The following MMP16 variants were observed in gnomAD, a reference collection of about 807,000 sequenced individuals.
The protein encoded by MMP16 is matrix metallopeptidase 16, also known as matrix metalloproteinase-16.
In MMP16, 12 loss-of-function variants were observed where a neutral mutation model predicts 67.8. The observed-to-expected ratio is 0.18, with a 90% confidence interval of 0.11 to 0.29. The LOEUF (loss-of-function observed/expected upper bound fraction) is 0.29. MMP16 is among the 10% of genes least tolerant of loss of function. The pLI is 1.00. For missense variants in MMP16, 475 were observed against 765.7 expected, an observed-to-expected ratio of 0.62 and a Z score of 4.48; for synonymous variants, 249 against 255.9, an observed-to-expected ratio of 0.97 and a Z score of 0.26.
chr8:88,086,028 C>T (rs1808828197), intron 6 of MMP16, among the ~76,000 whole-genome samples: 1 of 151,736 alleles, frequency 6.6e-6, no homozygotes. Flanking sequence ...TATCCAATTT[C>T]TATACATAAA....
chr8:88,275,913 C>T (rs1273866986), intron 1 of MMP16, among the ~76,000 whole-genome samples: 1 of 151,988 alleles, frequency 6.6e-6, no homozygotes, highest in Non-Finnish European at 1.5e-5. Flanking sequence ...ATCTGACATA[C>T]TCATGCCTGA....
At chr8:88,276,432 G>C (rs948311641) in intron 1 of MMP16, among the ~76,000 whole-genome samples, 1 of 152,092 alleles carries the variant, frequency 6.6e-6, no homozygotes, top group African/African-American at 2.4e-5. Context: ...AATAAGATAT[G>C]AAAGTAATTC....
chr8:88,207,705 A>AAAAAG (rs1554585488), intron 1 of MMP16, among the ~76,000 whole-genome samples: 6 of 151,810 alleles, frequency 4.0e-5, no homozygotes, highest in East Asian at 3.9e-4. Flanking sequence ...TAAAAAAAAA[A>AAAAAG]AAAGAAAGAA....
At chr8:88,149,831 C>A (rs1490616466) in intron 4 of MMP16, among the ~76,000 whole-genome samples, 25 of 150,866 alleles carry the variant, frequency 1.7e-4, no homozygotes, top group Non-Finnish European at 3.0e-4. Flanking sequence ...GAACGCAGTT[C>A]CTCACCAGCA....
intron 6 of MMP16, among the ~76,000 whole-genome samples, chr8:88,111,081 T>A (rs1809326620): frequency 6.6e-6 from 1 of 151,672 alleles, no homozygotes; most frequent in African/African-American, 2.4e-5. Flanking sequence ...ACTCGAAGTC[T>A]ATCTTTAATG....
chr8:88,074,826 A>G (rs1808618760), intron 6 of MMP16, 83 bp from the exon 7 acceptor site: 1 of 1,478,434 alleles, frequency 6.8e-7, no homozygotes, highest in South Asian at 1.3e-5. Flanking sequence ...CGCTTTTGAA[A>G]TCAAGCTGGT....
intron 1 of MMP16, among the ~76,000 whole-genome samples, chr8:88,291,733 G>A (rs547383394): frequency 2.6e-5 from 4 of 152,210 alleles, no homozygotes; most frequent in East Asian, 3.9e-4. Context: ...GTAGAATAAC[G>A]ATTAGTAATA....
intron 1 of MMP16, among the ~76,000 whole-genome samples, chr8:88,282,099 C>T (rs147449235): frequency 2.3e-5 from 3 of 127,686 alleles, no homozygotes; most frequent in African/African-American, 6.9e-5. Flanking sequence ...GGGGGGGCGA[C>T]GGGGTCTTGC....
intron 1 of MMP16, among the ~76,000 whole-genome samples, chr8:88,312,184 T>C (rs1205573867): frequency 6.6e-6 from 1 of 152,136 alleles, no homozygotes; most frequent in Non-Finnish European, 1.5e-5. Flanking sequence ...CAACTGGAGA[T>C]AAAAACTGGC....
chr8:88,137,839 T>C (rs1020855400), intron 4 of MMP16, among the ~76,000 whole-genome samples: 14 of 152,022 alleles, frequency 9.2e-5, no homozygotes, highest in South Asian at 2.1e-4. Context: ...TTTCTTGATA[T>C]TGGAAGATAG....
At chr8:88,303,397 G>A (rs1226792829) in intron 1 of MMP16, among the ~76,000 whole-genome samples, 1 of 152,192 alleles carries the variant, frequency 6.6e-6, no homozygotes, top group Non-Finnish European at 1.5e-5. Context: ...CAGCTCTGGA[G>A]AGTCTAGCCT....
chr8:88,241,503 T>TA (rs936378351), intron 1 of MMP16, among the ~76,000 whole-genome samples: 4 of 152,044 alleles, frequency 2.6e-5, no homozygotes, highest in Non-Finnish European at 5.9e-5. Context: ...TTTCATATGG[T>TA]AAAAAAGGGA....
In MMP16 at chr8:88,040,168, C is replaced by G. The variant is rs929688169; in HGVS notation, c.*1293G>C. On this transcript the variant is annotated 3_prime_UTR_variant, in exon 10 of 10. Coordinates refer to ENST00000286614, the MANE Select transcript of MMP16 (RefSeq NM_005941.5). ...AAGAAAAGAAGACTTAGGCTATTAT[C>G]AGTTTTTCAAATAAAATTTCAGATT... 2.9e-4 allele frequency: 44 copies of G among 152,544 alleles called. No homozygotes were observed. Among genetic ancestry groups the G allele is most frequent in the African/African-American group, 9.9e-4 (41 of 41,434 alleles). 9.4% of individuals were successfully genotyped at this position (152,544 alleles called of 1,614,324 possible).
At chr8:88,244,290 G>A (rs894874320) in intron 1 of MMP16, among the ~76,000 whole-genome samples, 3 of 152,072 alleles carry the variant, frequency 2.0e-5, no homozygotes, top group Non-Finnish European at 4.4e-5. Context: ...TAAGATATTA[G>A]TATTATTTTG....
At chr8:88,284,836 C>T (rs1331012930) in intron 1 of MMP16, among the ~76,000 whole-genome samples, 3 of 142,836 alleles carry the variant, frequency 2.1e-5, no homozygotes, top group Non-Finnish European at 4.6e-5. Flanking sequence ...TTCTCTATGC[C>T]TTTTTTTTTT....
At chr8:88,286,244 T>C (rs931312488) in intron 1 of MMP16, among the ~76,000 whole-genome samples, 1 of 152,138 alleles carries the variant, frequency 6.6e-6, no homozygotes, top group Non-Finnish European at 1.5e-5. Context: ...ACAAAGCCAT[T>C]CAGTGTAAGA....
chr8:88,157,532 T>A (rs1359803807), intron 4 of MMP16, among the ~76,000 whole-genome samples: 1 of 151,880 alleles, frequency 6.6e-6, no homozygotes, highest in Non-Finnish European at 1.5e-5. Context: ...TCCGAAGTCA[T>A]GTGTTGATGC....
intron 1 of MMP16, among the ~76,000 whole-genome samples, chr8:88,257,276 A>G (rs1810318388): frequency 6.6e-6 from 1 of 152,220 alleles, no homozygotes; most frequent in South Asian, 2.1e-4. Context: ...TTACCTGTGT[A>G]TACATAATAG....
At chr8:88,252,277 G>GGTCATAATCCCATCACATAATACC in intron 1 of MMP16, among the ~76,000 whole-genome samples, 1 of 152,212 alleles carries the variant, frequency 6.6e-6, no homozygotes, top group South Asian at 2.1e-4. Flanking sequence ...CCCTCTGATG[G>GGTCATAATCCCATCACATAATACC]CTGCAGTCTT....
Sources: gnomAD v4.1 joint callset for allele counts (sites outside exome capture counted in the v4.1 genomes callset) on GRCh38, gnomAD v4.1.1 for gene constraint, MANE v1.5 for transcripts, NCBI Gene and HGNC (gene_info 2026-07-23, HGNC 2026-07-21) for gene names.